Variants in HDAC9 observed in about 807,000 individuals in gnomAD.
HDAC9 encodes the protein MEF-2 interacting transcription repressor (MITR) protein.
A neutral mutation model predicts 139.4 loss-of-function variants in HDAC9; 41 were observed. That is an observed-to-expected ratio of 0.29 (90% CI 0.23 to 0.38). The LOEUF (loss-of-function observed/expected upper bound fraction) is 0.38. Among genes scored for constraint, HDAC9 ranks in the 10% least tolerant of loss-of-function variants. The pLI is 1.00. For synonymous variants in HDAC9, 517 were observed against 476.2 expected, an observed-to-expected ratio of 1.09 and a Z score of -1.12; for missense variants, 1,147 against 1,297.0, an observed-to-expected ratio of 0.88 and a Z score of 1.78.
chr7:18,585,909 A>G (rs1726595), intron 3 of HDAC9, among the ~76,000 whole-genome samples: 71,312 of 151,830 alleles, frequency 0.47, 17,462 homozygotes, highest in East Asian at 0.61. Context: ...GTGAGAAAGG[A>G]TAAATTAGTC....
At chr7:18,583,360 T>C (rs1828414684) in intron 2 of HDAC9, among the ~76,000 whole-genome samples, 1 of 152,146 alleles carries the variant, frequency 6.6e-6, no homozygotes, top group Non-Finnish European at 1.5e-5. Flanking sequence ...ATTTAGATTA[T>C]AGAACAGAAT....
At chr7:18,646,659 TC>T (rs1787528576) in intron 9 of HDAC9, among the ~76,000 whole-genome samples, 1 of 152,140 alleles carries the variant, frequency 6.6e-6, no homozygotes, top group Non-Finnish European at 1.5e-5. Flanking sequence ...TTGCTTCGCC[TC>T]CCTGGTGCAC....
chr7:18,600,439 C>A (rs528513383), intron 6 of HDAC9, among the ~76,000 whole-genome samples: 4 of 152,182 alleles, frequency 2.6e-5, no homozygotes, highest in African/African-American at 4.8e-5. Context: ...ATCTATAATT[C>A]GTTTTGAGAA....
chr7:18,745,581 C>G (rs1322412896), intron 13 of HDAC9, among the ~76,000 whole-genome samples: 1 of 139,864 alleles, frequency 7.1e-6, no homozygotes, highest in Non-Finnish European at 1.5e-5. Context: ...GGTCTGTCGC[C>G]CAGGCCGGAC....
intron 1 of HDAC9, among the ~76,000 whole-genome samples, chr7:18,305,643 TTGAA>T (rs1044750243): frequency 6.7e-6 from 1 of 149,050 alleles, no homozygotes; most frequent in Non-Finnish European, 1.5e-5. Context: ...CTAGAACTGT[TTGAA>T]TGACACATAG....
intron 1 of HDAC9, among the ~76,000 whole-genome samples, chr7:18,143,929 A>G (rs754646636): frequency 6.6e-6 from 1 of 152,118 alleles, no homozygotes; most frequent in Non-Finnish European, 1.5e-5. Context: ...TTAGAAGAAG[A>G]AAAAAAGCCT....
chr7:18,562,388 A>G (rs1403461954), intron 2 of HDAC9, among the ~76,000 whole-genome samples: 1 of 152,180 alleles, frequency 6.6e-6, no homozygotes, highest in Non-Finnish European at 1.5e-5. Flanking sequence ...AGCTTAATCC[A>G]AAGTCACAAA....
intron 2 of HDAC9, among the ~76,000 whole-genome samples, chr7:18,521,076 T>C (rs538755889): frequency 1.9e-4 from 29 of 152,310 alleles, no homozygotes; most frequent in South Asian, 6.2e-4. Context: ...GCCTAATTAT[T>C]TTAAGAATGC....
intron 1 of HDAC9, among the ~76,000 whole-genome samples, chr7:18,422,363 A>G (rs184186212): frequency 8.5e-5 from 13 of 152,332 alleles, no homozygotes; most frequent in African/African-American, 3.1e-4. Context: ...ACTAGCAATC[A>G]GCCAAGCAAT....
intron 1 of HDAC9, among the ~76,000 whole-genome samples, chr7:18,324,778 G>A (rs1013929407): frequency 2.6e-5 from 4 of 152,064 alleles, no homozygotes; most frequent in African/African-American, 9.7e-5. Context: ...TTGCCTTTGT[G>A]GTGCTTAGAG....
intron 1 of HDAC9, among the ~76,000 whole-genome samples, chr7:18,138,527 GGTGT>G (rs71014309): frequency 0.014 from 2,039 of 142,628 alleles, 42 homozygotes; most frequent in African/African-American, 0.045. Flanking sequence ...GAGAGAGAGA[GGTGT>G]GTGTGTGTGT....
At chr7:18,266,106 A>AT (rs1411566488) in intron 2 of HDAC9, among the ~76,000 whole-genome samples, 2 of 152,144 alleles carry the variant, frequency 1.3e-5, no homozygotes, top group Non-Finnish European at 2.9e-5. Context: ...TTTGGAAAAA[A>AT]TGTGTGTCAC....
intron 19 of HDAC9, among the ~76,000 whole-genome samples, chr7:18,833,755 G>C (rs765134541): frequency 1.1e-4 from 17 of 152,076 alleles, no homozygotes; most frequent in Non-Finnish European, 1.9e-4. Flanking sequence ...CTTAATTTTG[G>C]ATATGTGTAC....
At chr7:18,118,802 A>C (rs1784180814) in intron 1 of HDAC9, among the ~76,000 whole-genome samples, 1 of 152,172 alleles carries the variant, frequency 6.6e-6, no homozygotes, top group Admixed American at 6.5e-5. Context: ...GACATGGATT[A>C]ATTTATCAGA....
intron 23 of HDAC9, among the ~76,000 whole-genome samples, chr7:18,937,030 A>ATTTTTTTTTT (rs768350029): frequency 1.0e-5 from 1 of 96,700 alleles, no homozygotes; most frequent in Non-Finnish European, 2.0e-5. Flanking sequence ...GCTCTTGTTA[A>ATTTTTTTTTT]TTTTTTTTTT....
intron 2 of HDAC9, among the ~76,000 whole-genome samples, chr7:18,285,298 T>C (rs1480824885): frequency 6.6e-6 from 1 of 152,230 alleles, no homozygotes; most frequent in African/African-American, 2.4e-5. Context: ...ATTTTCAGTA[T>C]CATGATTTGT....
rs73320098 is a variant in HDAC9 at position 18,891,769 on chromosome 7, A to G, written c.2803+17173A>G. 2.8e-3 allele frequency among the ~76,000 whole-genome samples: 431 copies of G among 152,208 alleles called. 1 individual carries two copies. The highest frequency in any genetic ancestry group is 0.01 in the African/African-American group (417 of 41,548). Reference sequence around the variant, plus strand: ...ACTTGGAACCTGAAAAGTCTACACTATTCACATCTATTTAAGGGCAGCCCT... The same window carrying G: ...ACTTGGAACCTGAAAAGTCTACACTGTTCACATCTATTTAAGGGCAGCCCT... On this transcript the variant is annotated intron_variant, in intron 22 of 25. Transcript: ENST00000686413.
intron 6 of HDAC9, among the ~76,000 whole-genome samples, chr7:18,597,437 A>G (rs1246597734): frequency 6.6e-6 from 1 of 152,182 alleles, no homozygotes; most frequent in Non-Finnish European, 1.5e-5. Context: ...GGCTGAAAAT[A>G]GTATCATTGC....
intron 1 of HDAC9, among the ~76,000 whole-genome samples, chr7:18,141,709 A>G (rs951063324): frequency 9.2e-5 from 14 of 151,704 alleles, no homozygotes; most frequent in Admixed American, 5.9e-4. Flanking sequence ...ACCTCTTTTC[A>G]TTTCCACATG....
Sources: allele counts gnomAD v4.1 joint callset (sites outside exome capture counted in the v4.1 genomes callset), GRCh38; gene constraint gnomAD v4.1.1; transcripts MANE v1.5; gene names NCBI Gene and HGNC (gene_info 2026-07-23, HGNC 2026-07-21).